Variants in ROBO2 observed in about 807,000 individuals in gnomAD.
ROBO2 encodes roundabout homolog 2.
Under a neutral mutation model 160.8 loss-of-function variants are expected in ROBO2, and 53 were observed. The observed-to-expected ratio is 0.33, with a 90% CI of 0.26 to 0.41. The LOEUF is 0.41. ROBO2 is among the 10% of genes least tolerant of loss of function. The pLI is 1.00. For synonymous variants in ROBO2, 664 were observed against 611.7 expected (o/e 1.09, Z -1.26); for missense variants, 1,577 against 1,722.4 (o/e 0.92, Z 1.49).
chr3:76,595,302 G>A (rs2086669710), intron 2 of ROBO2, among the ~76,000 whole-genome samples: 1 of 151,534 alleles, frequency 6.6e-6, no homozygotes, highest in South Asian at 2.1e-4. Context: ...ACATTTTGGG[G>A]GACAATAAAA....
At chr3:76,729,595 T>C (rs547289888) in intron 2 of ROBO2, among the ~76,000 whole-genome samples, 1 of 152,210 alleles carries the variant, frequency 6.6e-6, no homozygotes. Flanking sequence ...TATGCCACTT[T>C]TTCCTGTTGA....
intron 1 of ROBO2, among the ~76,000 whole-genome samples, chr3:77,096,805 A>G (rs996654537): frequency 1.3e-5 from 2 of 152,160 alleles, no homozygotes; most frequent in African/African-American, 4.8e-5. Flanking sequence ...TTCACAGGGA[A>G]GTCACTGGTA....
At chr3:77,604,755 C>G (rs2094493851) in intron 20 of ROBO2, among the ~76,000 whole-genome samples, 3 of 152,126 alleles carry the variant, frequency 2.0e-5, no homozygotes, top group African/African-American at 7.2e-5. Context: ...AATTTAAGAT[C>G]AAACCACCTT....
chr3:75,911,870 T>C (rs1576107082), intron 1 of ROBO2, among the ~76,000 whole-genome samples: 1 of 152,298 alleles, frequency 6.6e-6, no homozygotes, highest in East Asian at 1.9e-4. Flanking sequence ...CCTTGTTTCT[T>C]ATCTACAAGC....
chr3:76,764,853 T>G (rs2597247), intron 2 of ROBO2, among the ~76,000 whole-genome samples: 124,008 of 151,476 alleles, frequency 0.82, 50,887 homozygotes, highest in Admixed American at 0.85. Context: ...TCCAACTCTA[T>G]GCATATATAT....
intron 2 of ROBO2, among the ~76,000 whole-genome samples, chr3:76,535,386 G>T (rs1003970372): frequency 2.0e-5 from 3 of 152,042 alleles, no homozygotes; most frequent in African/African-American, 7.3e-5. Flanking sequence ...GCCTGCTGTG[G>T]GATGTGATAC....
intron 2 of ROBO2, among the ~76,000 whole-genome samples, chr3:77,010,789 C>T (rs916901135): frequency 6.6e-6 from 1 of 151,986 alleles, no homozygotes; most frequent in Admixed American, 6.6e-5. Flanking sequence ...TCTTCATATT[C>T]CTACAGAACC....
intron 2 of ROBO2, among the ~76,000 whole-genome samples, chr3:76,628,738 G>A (rs1207365013): frequency 6.6e-6 from 1 of 151,994 alleles, no homozygotes; most frequent in Non-Finnish European, 1.5e-5. Context: ...TATTTGTTTT[G>A]TGACTCACAT....
At chr3:77,245,116 T>C (rs974238500) in intron 2 of ROBO2, among the ~76,000 whole-genome samples, 21 of 152,158 alleles carry the variant, frequency 1.4e-4, no homozygotes, top group African/African-American at 4.3e-4. Flanking sequence ...GGGTGTCTCA[T>C]TGGAATGCAC....
At chr3:75,926,512 G>A (rs1576167379) in intron 1 of ROBO2, among the ~76,000 whole-genome samples, 1 of 152,096 alleles carries the variant, frequency 6.6e-6, no homozygotes, top group African/African-American at 2.4e-5. Context: ...TTTAAAAAAT[G>A]TTTCCTAATT....
At chr3:77,602,643 A>T in intron 20 of ROBO2, 152 bp downstream of exon 21, 1 of 913,472 alleles carries the variant, frequency 1.1e-6, no homozygotes. Context: ...AACTTGAGTA[A>T]TTCCTACCAC....
chr3:76,480,230 C>T (rs2079139037), intron 2 of ROBO2, among the ~76,000 whole-genome samples: 1 of 152,128 alleles, frequency 6.6e-6, no homozygotes, highest in Admixed American at 6.6e-5. Flanking sequence ...TTCTTCTTCA[C>T]TCTCCTAGAA....
chr3:77,462,017 C>A (rs180960852), intron 2 of ROBO2, among the ~76,000 whole-genome samples: 2 of 152,148 alleles, frequency 1.3e-5, no homozygotes, highest in Admixed American at 1.3e-4. Flanking sequence ...TGAGCCACCA[C>A]GCCTGGCCTG....
intron 2 of ROBO2, among the ~76,000 whole-genome samples, chr3:75,999,420 C>T (rs1046241683): frequency 4.6e-4 from 70 of 152,110 alleles, no homozygotes; most frequent in African/African-American, 1.6e-3. Context: ...CACAGCAAAA[C>T]TGAGCATTGA....
chr3:76,646,584 A>G (rs1560298485), intron 2 of ROBO2, among the ~76,000 whole-genome samples: 1 of 152,212 alleles, frequency 6.6e-6, no homozygotes, highest in African/African-American at 2.4e-5. Flanking sequence ...AAATATGAAT[A>G]TGCAATTAAA....
intron 2 of ROBO2, among the ~76,000 whole-genome samples, chr3:75,974,504 T>C (rs1364308187): frequency 6.6e-6 from 1 of 151,584 alleles, no homozygotes; most frequent in Admixed American, 6.6e-5. Flanking sequence ...TTAAAATCCA[T>C]TAATTAAGTA....
rs1455311319 is a variant in ROBO2, at chr3:76,756,194, C to A, written c.110-341820C>A. On this transcript the variant is annotated intron_variant, in intron 2 of 26. Transcript: ENST00000487694. ...CAAATATGTTACAGCGTTATTTTTA[C>A]TCTTCGAATATGTTTCTGGCTACAA... Among the ~76,000 whole-genome samples the A allele has an allele frequency of 2.6e-5, 4 of 151,898 alleles. No individual in the cohort carries two copies. In the East Asian group the frequency reaches 7.8e-4, roughly 30 times the overall value.
intron 2 of ROBO2, among the ~76,000 whole-genome samples, chr3:75,959,814 A>G (rs1031615511): frequency 1.3e-5 from 2 of 151,738 alleles, no homozygotes; most frequent in African/African-American, 4.8e-5. Flanking sequence ...GAAATGCTCC[A>G]TAAGCTACCT....
chr3:76,901,543 G>C (rs2148876761), intron 2 of ROBO2, among the ~76,000 whole-genome samples: 1 of 131,308 alleles, frequency 7.6e-6, no homozygotes, highest in Admixed American at 8.4e-5. Flanking sequence ...ACTCCATCCT[G>C]GGCAACAAGA....
Sources: allele counts gnomAD v4.1 joint callset (sites outside exome capture counted in the v4.1 genomes callset), GRCh38; gene constraint gnomAD v4.1.1; transcripts MANE v1.5; gene names NCBI Gene and HGNC (gene_info 2026-07-23, HGNC 2026-07-21).